KCNK16: variants seen among roughly 807,000 people sequenced by gnomAD.
KCNK16 encodes the protein potassium channel subfamily K member 16.
KCNK16 carries 23 observed loss-of-function variants against 23.0 expected under a neutral mutation model. That is an observed-to-expected ratio of 1.00 (90% CI 0.72 to 1.41). KCNK16 has a LOEUF of 1.41. Among genes scored for constraint, KCNK16 ranks in the 40% most tolerant of loss-of-function variants. The pLI is 0.00. For synonymous variants in KCNK16, 145 were observed against 153.5 expected (o/e 0.94, Z 0.41); for missense variants, 327 against 365.8 (o/e 0.89, Z 0.87).
In KCNK16 at chr6:39,317,820, A is replaced by C; in HGVS notation, c.461T>G (p.Ile154Ser). The C allele has an allele frequency of 1.9e-6, 3 of 1,610,440 alleles. No individual in the cohort carries two copies. Among genetic ancestry groups the C allele is most frequent in the Non-Finnish European group, 2.5e-6 (3 of 1,178,518 alleles). The change falls in exon 3 of 5, where the codon ATT becomes AGT. Residue 154 changes from isoleucine (I) to serine (S), a missense_variant. Coordinates refer to ENST00000437525, the MANE Select transcript of KCNK16 (RefSeq NM_001135106.2). ...CCTGGGACGGTCCTCCCATCTTTCAATGGCGGCCAGATGGGCACGCAGCCC... is the reference window on the plus strand; with the variant it reads ...CCTGGGACGGTCCTCCCATCTTTCACTGGCGGCCAGATGGGCACGCAGCCC... The part of the protein sequence containing the change: ...GTGLRAHLAA[I>S]ERWEDRPRRS...
intron 3 of KCNK16, among the ~76,000 whole-genome samples, chr6:39,317,233 G>T (rs1762350967): frequency 6.6e-6 from 1 of 152,194 alleles, no homozygotes; most frequent in Non-Finnish European, 1.5e-5. Context: ...CTCAGATCTG[G>T]AACAGAAAAG....
In KCNK16 at chr6:39,322,569, G is replaced by A; in HGVS notation, c.-29C>T. 6.4e-7 allele frequency: 1 copy of A among 1,558,534 alleles called. No individual in the cohort carries two copies. Among genetic ancestry groups the A allele is most frequent in the South Asian group, 1.2e-5 (1 of 86,696 alleles). ...GTGGCCAGGACCCTGCCAGGGCCGT[G>A]GGGCTGGCTATGGGGGAGAGGTGGG... On this transcript the variant is annotated 5_prime_UTR_variant, in exon 1 of 5. Transcript: ENST00000437525.
rs573165469 is a variant in KCNK16 at position 39,319,246 on chromosome 6, T to C, written c.214-113A>G. ...GTGTCATCTCATCTAATGATACTCT[T>C]AGATGATATTGTTCCCATTTCATGG... is the stretch of plus-strand genomic sequence containing the variant. On this transcript the variant is annotated intron_variant, in intron 1 of 4. Transcript: ENST00000437525. This position sits in a 1 kb window ranked among gnomAD's most constrained non-coding sequence, Gnocchi z 4.2. 7 of 687,006 alleles carry C rather than the reference T, an allele frequency of 1.0e-5. No homozygotes were observed. In the South Asian group the frequency reaches 1.1e-4, roughly 11 times the overall value. The allele number at this position is 687,006 out of a possible 1,614,324, so 42.6% of individuals were successfully genotyped here. A position where few individuals can be genotyped will look rare whatever the true frequency, so the allele number is the denominator to read the frequency against.
In KCNK16 at chr6:39,320,540, G is replaced by A. The variant is rs114635781; in HGVS notation, c.214-1407C>T. 7.2e-3 allele frequency among the ~76,000 whole-genome samples: 1,096 copies of A among 152,276 alleles called. 1 individual carries two copies. The highest frequency in any genetic ancestry group is 0.012 in the Non-Finnish European group (806 of 68,006). On this transcript the variant is annotated intron_variant, in intron 1 of 4. Transcript: ENST00000437525. ...GCTTTTAATACTAGTTACTCAACTC[G>A]CCCTGTGCGTCTGAGAGTTCAACAG...
chr6:39,322,763 C>T (rs1269860192), upstream of KCNK16: 2 of 610,012 alleles, frequency 3.3e-6, no homozygotes, highest in South Asian at 2.9e-5. Flanking sequence ...CCACCCCCAC[C>T]CGGCCTTTGT....
downstream of KCNK16, chr6:39,315,346 C>T (rs1219320521): frequency 1.3e-6 from 2 of 1,551,900 alleles, no homozygotes; most frequent in South Asian, 1.2e-5. Flanking sequence ...CTGGGATCTG[C>T]TGGCTCTCTG....
Position 39,317,861 on chromosome 6 carries a change from G to A in KCNK16, c.420C>T (p.Leu140=). 5 of 1,613,882 alleles carry A rather than the reference G, an allele frequency of 3.1e-6. No individual in the cohort carries two copies. The highest frequency in any genetic ancestry group is 4.2e-6 in the Non-Finnish European group (5 of 1,179,922). The change falls in exon 3 of 5, where the codon CTC becomes CTT. Residue 140 remains leucine, a synonymous_variant. Coordinates refer to ENST00000437525, the MANE Select transcript of KCNK16 (RefSeq NM_001135106.2). Reference sequence around the variant, plus strand: ...CACGCAGCCCTGTGCCCAGGTGGTTGAGGAAGATCACGTTAAGCGGGATGC... The same window carrying A: ...CACGCAGCCCTGTGCCCAGGTGGTTAAGGAAGATCACGTTAAGCGGGATGC... ...LLGIPLNVIF[L]NHLGTGLRAH...
chr6:39,315,842 G>T (rs899509212), downstream of KCNK16, among the ~76,000 whole-genome samples: 1 of 152,148 alleles, frequency 6.6e-6, no homozygotes, highest in African/African-American at 2.4e-5. Flanking sequence ...CATAGTAGGG[G>T]CTTGGCAAAT....
At chr6:39,321,226 C>T (rs1208782936) in intron 1 of KCNK16, among the ~76,000 whole-genome samples, 2 of 152,150 alleles carry the variant, frequency 1.3e-5, no homozygotes, top group Admixed American at 6.5e-5. Context: ...TGATTCTGGT[C>T]CCGGGACTAC....
chr6:39,315,759 G>A (rs144803371), downstream of KCNK16, among the ~76,000 whole-genome samples: 445 of 152,276 alleles, frequency 2.9e-3, 2 homozygotes, highest in Non-Finnish European at 4.9e-3. Context: ...AGCAACTAAA[G>A]GCACATCAAG....
downstream of KCNK16, chr6:39,315,010 C>T (rs746170643): frequency 2.5e-6 from 4 of 1,602,974 alleles, no homozygotes; most frequent in Non-Finnish European, 3.4e-6. Context: ...CCTCAGCTTC[C>T]CAGTCCTTTC....
rs1303573180 is a variant in KCNK16 at position 39,316,403 on chromosome 6, C to T, written c.701G>A (p.Ser234Asn). 1.2e-6 allele frequency: 2 copies of T among 1,611,596 alleles called. No homozygotes were observed. The highest frequency in any genetic ancestry group is 2.7e-5 in the African/African-American group (2 of 74,834). Residue 234 changes from serine to asparagine, a missense_variant, in exon 5 of 5, where the codon AGC becomes AAC. Physicochemically the swap from Ser to Asn is conservative, Grantham distance 46. Coordinates refer to ENST00000437525, the MANE Select transcript of KCNK16 (RefSeq NM_001135106.2). Reference protein sequence around the residue: ...PSKHYISVYRSLAAIWILLGL... With the variant: ...PSKHYISVYRNLAAIWILLGL... The stretch of plus-strand genomic sequence containing the variant: ...CAGGAGGATCCAGATGGCTGCCAGG[C>T]TCCGATACACTGAGATATAATGCTT...
chr6:39,314,909 G>T, downstream of KCNK16: 3 of 1,269,234 alleles, frequency 2.4e-6, no homozygotes, highest in Non-Finnish European at 3.3e-6. Context: ...TTAACCAAGA[G>T]GCTTGTCCAC....
chr6:39,316,342 GC>G lies in KCNK16; in HGVS notation c.761del (p.Gly254AlafsTer?). 1 of 1,612,014 alleles carries G rather than the reference GC, an allele frequency of 6.2e-7. No homozygotes were observed. The highest frequency in any genetic ancestry group is 8.5e-7 in the Non-Finnish European group (1 of 1,179,406). Reference sequence around the variant, plus strand: ...GGCAGCATCTGTGCAGAAGCAGGGGGCCCAGTGGGAGGATCAGCGCCAGCCA... The same window carrying G: ...GGCAGCATCTGTGCAGAAGCAGGGGGCCAGTGGGAGGATCAGCGCCAGCCA... ...LAWLALILPL[G>X]PLLLHRCCQL... On this transcript the variant is annotated frameshift_variant, in exon 5 of 5. Coordinates refer to ENST00000437525, the MANE Select transcript of KCNK16 (RefSeq NM_001135106.2). LOFTEE classifies it high-confidence loss of function.
downstream of KCNK16, chr6:39,314,668 G>A: frequency 2.4e-6 from 1 of 410,586 alleles, no homozygotes; most frequent in Non-Finnish European, 4.3e-6. Flanking sequence ...ATGAACAATG[G>A]GAGGGACTTC....
Position 39,316,960 on chromosome 6 carries a change from G to C in KCNK16, c.496-13C>G, listed in dbSNP as rs751260147. 9.4e-6 allele frequency: 15 copies of C among 1,602,622 alleles called. No individual in the cohort carries two copies. Among genetic ancestry groups the C allele is most frequent in the Non-Finnish European group, 1.3e-5 (15 of 1,175,544 alleles). ...GGACTTGCAGTACCTAGGAGGGAGGGAGTTGGCCTCTGAGTCCACTTGAAA... is the reference window on the plus strand; with the variant it reads ...GGACTTGCAGTACCTAGGAGGGAGGCAGTTGGCCTCTGAGTCCACTTGAAA... On this transcript the variant is annotated splice_polypyrimidine_tract_variant and intron_variant, in intron 3 of 4. Coordinates refer to ENST00000437525, the MANE Select transcript of KCNK16 (RefSeq NM_001135106.2).
In KCNK16 at chr6:39,322,361, G is replaced by T. The variant is rs1282813491; in HGVS notation, c.180C>A (p.Cys60Ter). ...EKLRFLENYT[C>*]LDQWAMEQFV... ...ACTGCTCCATGGCCCACTGGTCCAG[G>T]CAGGTGTAGTTCTCCAGGAAGCGCA... The change falls in exon 1 of 5, where the codon TGC becomes TGA. Residue 60 changes from cysteine (C) to a stop codon, truncating the protein, a stop_gained. Coordinates refer to ENST00000437525, the MANE Select transcript of KCNK16 (RefSeq NM_001135106.2). LOFTEE classifies it high-confidence loss of function. The T allele has an allele frequency of 3.1e-6, 5 of 1,614,162 alleles. No homozygotes were observed. Among genetic ancestry groups the T allele is most frequent in the East Asian group, 2.2e-5 (1 of 44,862 alleles).
intron 4 of KCNK16, 144 bp downstream of exon 4, chr6:39,316,638 T>G: frequency 8.5e-7 from 1 of 1,182,440 alleles, no homozygotes; most frequent in South Asian, 1.5e-5. Flanking sequence ...GAATCCACAG[T>G]AGTCCCAGAA....
At chr6:39,318,907 C>G (rs552199952) in intron 2 of KCNK16, 112 bp downstream of exon 2, 1 of 726,922 alleles carries the variant, frequency 1.4e-6, no homozygotes, top group Non-Finnish European at 2.4e-6. Flanking sequence ...CCTCCCTGGG[C>G]TTCCTGAATA....
Sources: gnomAD v4.1 joint callset for allele counts (sites outside exome capture counted in the v4.1 genomes callset) on GRCh38, gnomAD v4.1.1 for gene constraint, Gnocchi (gnomAD v3.1) non-coding constraint, MANE v1.5 for transcripts, NCBI Gene and HGNC (gene_info 2026-07-23, HGNC 2026-07-21) for gene names.